XKR9: variants seen among roughly 807,000 people sequenced by gnomAD.
XKR9 encodes XK related 9.
A neutral mutation model predicts 32.0 loss-of-function variants in XKR9; 32 were observed. That is an observed-to-expected ratio of 1.00 (90% CI 0.76 to 1.34). The LOEUF is 1.34. Ranked by LOEUF, XKR9 falls within the 40% of genes most tolerant of loss-of-function variation. The probability of loss-of-function intolerance (pLI) is 0.00; values close to 1 mark genes in which losing one functional copy is unlikely to be tolerated. For missense variants in XKR9, 546 were observed against 429.7 expected (o/e 1.27, Z -2.39); for synonymous variants, 168 against 143.4 (o/e 1.17, Z -1.22).
chr8:70,809,634 C>T, the XKR9 span, among the ~76,000 whole-genome samples: 153 of 152,300 alleles, frequency 1.0e-3, 2 homozygotes, highest in African/African-American at 3.4e-3. Context: ...GGCATGAGAA[C>T]TACATGATGA....
intron 4 of XKR9, among the ~76,000 whole-genome samples, chr8:70,717,773 T>G (rs897667541): frequency 1.3e-5 from 2 of 152,210 alleles, no homozygotes; most frequent in African/African-American, 4.8e-5. Context: ...GCAGTGGGCT[T>G]GAATGTCTGC....
chr8:70,951,422 G>A, the XKR9 span, among the ~76,000 whole-genome samples: 2 of 152,252 alleles, frequency 1.3e-5, no homozygotes, highest in Admixed American at 1.3e-4. Context: ...TTCATGGCCA[G>A]CTGAAACCAT....
chr8:70,796,711 G>C, the XKR9 span, among the ~76,000 whole-genome samples: 1 of 152,142 alleles, frequency 6.6e-6, no homozygotes, highest in Non-Finnish European at 1.5e-5. Flanking sequence ...TAGAATACCA[G>C]CTTCATTTTA....
At chr8:70,920,515 G>C in the XKR9 span, among the ~76,000 whole-genome samples, 1 of 152,066 alleles carries the variant, frequency 6.6e-6, no homozygotes, top group African/African-American at 2.4e-5. Flanking sequence ...ACCATTAGTT[G>C]AATTTTTAAA....
At chr8:70,862,546 T>C in the XKR9 span, among the ~76,000 whole-genome samples, 4 of 124,154 alleles carry the variant, frequency 3.2e-5, no homozygotes, top group African/African-American at 7.3e-5. Context: ...ACACATATTA[T>C]ACTTAACATC....
Position 70,735,893 on chromosome 8 carries a change from T to G in XKR9, c.*1469T>G, listed in dbSNP as rs1806851432. The G allele has an allele frequency of 1.3e-5, 2 of 151,934 alleles. No homozygotes were observed. The highest frequency in any genetic ancestry group is 1.3e-4 in the Admixed American group (2 of 15,258). The allele number at this position is 151,934 out of a possible 1,614,324, so 9.4% of individuals were successfully genotyped here. On this transcript the variant is annotated 3_prime_UTR_variant, in exon 5 of 5. Transcript: ENST00000408926. The stretch of plus-strand genomic sequence containing the variant: ...GGACATTTGGGTTGGTTCCAAGTCT[T>G]TGCTATTGTGAATAGTGCTGCAATA...
intron 4 of XKR9, among the ~76,000 whole-genome samples, chr8:70,725,269 A>G (rs1224739823): frequency 2.6e-5 from 4 of 152,094 alleles, no homozygotes; most frequent in Non-Finnish European, 5.9e-5. Context: ...TAAGGCAAAC[A>G]CCAAATATTT....
the XKR9 span, among the ~76,000 whole-genome samples, chr8:70,870,571 A>G: frequency 6.6e-6 from 1 of 152,228 alleles, no homozygotes; most frequent in Non-Finnish European, 1.5e-5. Context: ...TTGTGCTTAT[A>G]TAGGAAAAGT....
the XKR9 span, among the ~76,000 whole-genome samples, chr8:70,955,485 A>G: frequency 3.9e-5 from 6 of 152,244 alleles, no homozygotes; most frequent in South Asian, 1.2e-3. Flanking sequence ...ATTATATTGA[A>G]TCAGTTTAGG....
At chr8:70,872,573 A>C in the XKR9 span, among the ~76,000 whole-genome samples, 1 of 152,364 alleles carries the variant, frequency 6.6e-6, no homozygotes, top group South Asian at 2.1e-4. Flanking sequence ...GATAGCTTCT[A>C]GGACTTTCAC....
At chr8:70,944,097 G>A in the XKR9 span, among the ~76,000 whole-genome samples, 2 of 151,940 alleles carry the variant, frequency 1.3e-5, no homozygotes, top group Admixed American at 1.3e-4. Flanking sequence ...TTTTGCATAT[G>A]TTAAACTTGT....
intron 2 of XKR9, among the ~76,000 whole-genome samples, chr8:70,778,284 C>T (rs939089862): frequency 6.6e-6 from 1 of 152,172 alleles, no homozygotes. Context: ...TCTGAGGCCT[C>T]TGTTCTGTGC....
At chr8:71,027,789 G>A in the XKR9 span, among the ~76,000 whole-genome samples, 4 of 131,160 alleles carry the variant, frequency 3.0e-5, no homozygotes, top group East Asian at 4.1e-4. Context: ...CGGGGGGGGG[G>A]GGTCTCACTC....
the XKR9 span, among the ~76,000 whole-genome samples, chr8:71,004,061 C>G: frequency 6.6e-6 from 1 of 152,236 alleles, no homozygotes; most frequent in East Asian, 1.9e-4. Flanking sequence ...ATGAGCATGG[C>G]CCTCGAAGGA....
the XKR9 span, among the ~76,000 whole-genome samples, chr8:70,980,836 G>A: frequency 3.9e-5 from 6 of 152,174 alleles, no homozygotes; most frequent in African/African-American, 1.2e-4. Flanking sequence ...TGGCTTTGTA[G>A]TGGCAAATTA....
At chr8:70,742,877 T>G (rs1182093254) in intron 2 of XKR9, among the ~76,000 whole-genome samples, 2 of 152,126 alleles carry the variant, frequency 1.3e-5, no homozygotes, top group Non-Finnish European at 2.9e-5. Flanking sequence ...TGTGTTCATG[T>G]GTATAGTATT....
the XKR9 span, among the ~76,000 whole-genome samples, chr8:71,007,160 G>A: frequency 2.6e-5 from 4 of 152,196 alleles, no homozygotes; most frequent in African/African-American, 9.7e-5. Flanking sequence ...TTAGAGGGTG[G>A]TGGAAGAAAT....
chr8:70,882,687 C>A, the XKR9 span, among the ~76,000 whole-genome samples: 16 of 152,018 alleles, frequency 1.1e-4, no homozygotes, highest in African/African-American at 3.9e-4. Flanking sequence ...CCCCACTACT[C>A]CCACTCTACT....
At chr8:70,736,235 T>G (rs1806859191), downstream of XKR9, among the ~76,000 whole-genome samples, 1 of 152,226 alleles carries the variant, frequency 6.6e-6, no homozygotes, top group African/African-American at 2.4e-5. Flanking sequence ...CATTTTTTCA[T>G]GTGTTTTTTG....
Sources: gnomAD v4.1 joint callset for allele counts (sites outside exome capture counted in the v4.1 genomes callset) on GRCh38, gnomAD v4.1.1 for gene constraint, MANE v1.5 for transcripts, NCBI Gene and HGNC (gene_info 2026-07-23, HGNC 2026-07-21) for gene names.